The following EIF3B variants were observed in gnomAD, a reference collection of about 807,000 sequenced individuals.
EIF3B encodes eukaryotic translation initiation factor 3 subunit 9.
In EIF3B, 10 loss-of-function variants were observed where a neutral mutation model predicts 104.6. The ratio of observed to expected loss-of-function variants is 0.10; its 90% CI spans 0.06 to 0.16. The LOEUF is 0.16. Ranked by LOEUF, EIF3B falls within the 10% of genes least tolerant of loss-of-function variation. The pLI, the probability that EIF3B is intolerant of heterozygous loss-of-function variation, is 1.00. For missense variants in EIF3B, 1,014 were observed against 1,087.9 expected (o/e 0.93, Z 0.96); for synonymous variants, 542 against 417.2 (o/e 1.30, Z -3.65).
At chr7:2,377,553 C>T (rs1327933615) in intron 15 of EIF3B, among the ~76,000 whole-genome samples, 48 of 114,758 alleles carry the variant, frequency 4.2e-4, no homozygotes, top group South Asian at 8.4e-4. Context: ...CAGGCACGAG[C>T]GCTCCTGGGA....
intron 2 of EIF3B, among the ~76,000 whole-genome samples, chr7:2,361,572 A>G (rs1281683258): frequency 2.0e-5 from 3 of 151,798 alleles, no homozygotes; most frequent in African/African-American, 7.3e-5. Flanking sequence ...GGCGCCCGCT[A>G]CCACGCCCGG....
intron 1 of EIF3B, among the ~76,000 whole-genome samples, chr7:2,356,667 G>C (rs887105905): frequency 1.3e-5 from 2 of 151,714 alleles, no homozygotes; most frequent in Non-Finnish European, 1.5e-5. Context: ...AGGTGTGCTG[G>C]TGCACACCTG....
chr7:2,379,348 C>T lies in EIF3B; in HGVS notation c.2342-46C>T, dbSNP rs767947150. 36 of 1,556,780 alleles carry T rather than the reference C, an allele frequency of 2.3e-5. 1 individual carries two copies. In the Admixed American group the frequency reaches 4.9e-4, roughly 21 times the overall value. ...CTTCCCACTGGCCTCGGCGGTGCCA[C>T]TAGGCATGTGCCCCCATGGGTGATC... On this transcript the variant is annotated intron_variant, in intron 17 of 18. Coordinates refer to ENST00000360876, the MANE Select transcript of EIF3B (RefSeq NM_001037283.2).
rs199713262 is a variant in EIF3B, at chr7:2,360,917, G to C, written c.692+15G>C. On this transcript the variant is annotated intron_variant, in intron 2 of 18. Coordinates refer to ENST00000360876, the MANE Select transcript of EIF3B (RefSeq NM_001037283.2). ...AAGACAAAAGGGTGAGTGTTCTCCT[G>C]TTGGAGAAGTATCATCTGTGTCTGG... The C allele has an allele frequency of 6.3e-7, 1 of 1,582,818 alleles. No individual in the cohort carries two copies. The highest frequency in any genetic ancestry group is 8.7e-7 in the Non-Finnish European group (1 of 1,153,414).
intron 6 of EIF3B, 72 bp from the exon 7 acceptor site, chr7:2,366,245 T>G: frequency 6.7e-7 from 1 of 1,485,784 alleles, no homozygotes; most frequent in Non-Finnish European, 9.0e-7. Flanking sequence ...GACGGCGTGT[T>G]CTGGCCGCAC....
At chr7:2,365,284 C>T (rs537913975) in intron 6 of EIF3B, among the ~76,000 whole-genome samples, 2 of 152,180 alleles carry the variant, frequency 1.3e-5, no homozygotes, top group South Asian at 2.1e-4. Context: ...ATCCGGCTGT[C>T]GGAGGCCTGC....
chr7:2,361,273 A>G (rs1257478151), intron 2 of EIF3B, among the ~76,000 whole-genome samples: 1 of 152,178 alleles, frequency 6.6e-6, no homozygotes, highest in Non-Finnish European at 1.5e-5. Context: ...AAATAAATAA[A>G]GTAAAAACTA....
At position 2,379,443 on chromosome 7, in the gene EIF3B, G is replaced by C. The variant is rs1479744250; in HGVS notation, c.2391G>C (p.Glu797Asp). 6 of 1,593,458 alleles carry C rather than the reference G, an allele frequency of 3.8e-6. No homozygotes were observed. The highest frequency in any genetic ancestry group is 5.1e-6 in the Non-Finnish European group (6 of 1,169,908). Residue 797 changes from glutamate to aspartate, a missense_variant, in exon 18 of 19, where the codon GAG becomes GAC. Physicochemically the swap from Glu to Asp is conservative, Grantham distance 45. Transcript: ENST00000360876. The part of the protein sequence containing the change: ...LDSNVDDWEE[E>D]TIEFFVTEEI... ...GCAACGTGGACGACTGGGAAGAGGA[G>C]ACCATTGAGTTCTTCGTCACTGAAG...
chr7:2,369,366 C>T (rs1246058836), intron 9 of EIF3B, 106 bp from the exon 10 acceptor site: 13 of 1,200,690 alleles, frequency 1.1e-5, no homozygotes, highest in Non-Finnish European at 1.6e-5. Flanking sequence ...TCAGCTGTGA[C>T]AGCATTGAGC....
intron 14 of EIF3B, 121 bp from the exon 15 acceptor site, chr7:2,376,829 G>T (rs1044296820): frequency 1.4e-6 from 2 of 1,426,178 alleles, no homozygotes; most frequent in Non-Finnish European, 1.9e-6. Flanking sequence ...CTCAGCACAG[G>T]CAGAGCTTTG....
Position 2,369,530 on chromosome 7 carries a change from G to A in EIF3B, c.1462G>A (p.Asp488Asn). Reference sequence around the variant, plus strand: ...CGCCTTCTGGGTGCCTGAAGACAAAGATATTCCAGCCAGGGTAACCCTGAT... The same window carrying A: ...CGCCTTCTGGGTGCCTGAAGACAAAAATATTCCAGCCAGGGTAACCCTGAT... ...IIAFWVPEDKDIPARVTLMQL... is the reference protein window; with the variant it reads ...IIAFWVPEDKNIPARVTLMQL... The change falls in exon 10 of 19, where the codon GAT (aspartate) becomes AAT (asparagine). Residue 488 changes from aspartate to asparagine, a missense_variant. By Grantham distance (23) the Asp-to-Asn change is conservative (BLOSUM62 1). This residue lies in a region of EIF3B where 59 missense variants were observed against 118.8 expected (regional missense o/e 0.50). Coordinates refer to ENST00000360876, the MANE Select transcript of EIF3B (RefSeq NM_001037283.2). The A allele has an allele frequency of 6.2e-7, 1 of 1,614,186 alleles. No individual in the cohort carries two copies. The highest frequency in any genetic ancestry group is 8.5e-7 in the Non-Finnish European group (1 of 1,180,048).
intron 7 of EIF3B, 30 bp downstream of exon 7, chr7:2,366,478 G>A (rs760436774): frequency 3.1e-6 from 5 of 1,613,984 alleles, no homozygotes; most frequent in Non-Finnish European, 4.2e-6. Flanking sequence ...GAGCTCTGTA[G>A]CCTTTGTCTT....
chr7:2,368,797 C>G (rs1780165406), intron 9 of EIF3B, among the ~76,000 whole-genome samples: 1 of 152,256 alleles, frequency 6.6e-6, no homozygotes, highest in South Asian at 2.1e-4. Context: ...AAACTTGGGA[C>G]TGGTCAGTAT....
intron 10 of EIF3B, among the ~76,000 whole-genome samples, chr7:2,370,363 G>A (rs956804534): frequency 5.3e-5 from 8 of 152,014 alleles, no homozygotes; most frequent in African/African-American, 1.9e-4. Context: ...TGTAGTCCCA[G>A]CTACTCGGGA....
At chr7:2,359,877 T>A (rs1217274085) in intron 1 of EIF3B, among the ~76,000 whole-genome samples, 1 of 152,220 alleles carries the variant, frequency 6.6e-6, no homozygotes, top group Non-Finnish European at 1.5e-5. Flanking sequence ...TCAGGCGTTG[T>A]GTTGAGTGTT....
In EIF3B at chr7:2,355,324, G is replaced by T; in HGVS notation, c.403G>T (p.Ala135Ser). Residue 135 changes from alanine (A) to serine (S), a missense_variant, in exon 1 of 19, where the codon GCG becomes TCG. Physicochemically the swap from Ala to Ser is moderately conservative, Grantham distance 99. Transcript: ENST00000360876. ...GGACGCGGGAGGAAACGAGGGCAGA[G>T]CGGCCGAGGCCGAACCCCGGGCGCT... The part of the protein sequence containing the change: ...SEDAGGNEGR[A>S]AEAEPRALEN... The T allele has an allele frequency of 6.5e-7, 1 of 1,540,968 alleles. No individual in the cohort carries two copies. Among genetic ancestry groups the T allele is most frequent in the Non-Finnish European group, 8.7e-7 (1 of 1,150,880 alleles).
At chr7:2,362,536 C>T in intron 2 of EIF3B, 109 bp from the exon 3 acceptor site, 1 of 1,395,566 alleles carries the variant, frequency 7.2e-7, no homozygotes, top group Non-Finnish European at 9.9e-7. Flanking sequence ...AAGAGCAGCA[C>T]AGATACTCCT....
At chr7:2,366,900 C>A in intron 8 of EIF3B, 99 bp from the exon 9 acceptor site, 2 of 1,318,038 alleles carry the variant, frequency 1.5e-6, no homozygotes, top group Non-Finnish European at 1.1e-6. Flanking sequence ...CCTAGGCAAA[C>A]TCACATCAGA....
At chr7:2,379,050 G>T in intron 16 of EIF3B, 84 bp from the exon 17 acceptor site, 1 of 1,184,230 alleles carries the variant, frequency 8.4e-7, no homozygotes, top group South Asian at 1.4e-5. Context: ...TGTCCTTCTG[G>T]CACCGTCCGC....
Sources: gnomAD v4.1 joint callset for allele counts (sites outside exome capture counted in the v4.1 genomes callset) on GRCh38, gnomAD v4.1.1 for gene constraint, gnomAD v4.1.1 regional missense constraint, MANE v1.5 for transcripts, NCBI Gene and HGNC (gene_info 2026-07-23, HGNC 2026-07-21) for gene names.